The following PCCA variants were observed in gnomAD, a reference collection of about 807,000 sequenced individuals.
The protein encoded by PCCA is propionyl-CoA carboxylase subunit alpha.
Under a neutral mutation model 101.3 loss-of-function variants are expected in PCCA, and 74 were observed. The ratio of observed to expected loss-of-function variants is 0.73; its 90% CI spans 0.61 to 0.89. The LOEUF (loss-of-function observed/expected upper bound fraction) is 0.89, where lower values mean the gene tolerates loss of function less well. Ranked by LOEUF, PCCA falls within the 40% of genes least tolerant of loss-of-function variation. The pLI, the probability that PCCA is intolerant of heterozygous loss-of-function variation, is 0.00. For synonymous variants in PCCA, 294 were observed against 313.6 expected, an observed-to-expected ratio of 0.94 and a Z score of 0.66; for missense variants, 891 against 907.0, an observed-to-expected ratio of 0.98 and a Z score of 0.23.
At chr13:100,170,049 GCTT>G (rs2055481405) in intron 6 of PCCA, among the ~76,000 whole-genome samples, 2 of 152,154 alleles carry the variant, frequency 1.3e-5, no homozygotes, top group Non-Finnish European at 2.9e-5. Flanking sequence ...TTCTGGAGGT[GCTT>G]ATTAACTCTT....
intron 1 of PCCA, among the ~76,000 whole-genome samples, chr13:100,092,153 T>C (rs1393841480): frequency 6.6e-6 from 1 of 152,124 alleles, no homozygotes; most frequent in African/African-American, 2.4e-5. Context: ...TCTGACCTCT[T>C]GATCCACTGC....
chr13:100,489,436 C>T lies in PCCA; in HGVS notation c.1900-25991C>T, dbSNP rs75969481. 4.4e-3 allele frequency among the ~76,000 whole-genome samples: 668 copies of T among 152,350 alleles called. 34 individuals are homozygous for T. In the East Asian group the frequency reaches 0.099, roughly 22 times the overall value. On this transcript the variant is annotated intron_variant, in intron 21 of 23. Transcript: ENST00000376285. The stretch of plus-strand genomic sequence containing the variant: ...AAACAGGTAAGAAAAGATTGACCAT[C>T]TAGCCCATTGTAGAAGAAAGTTTGC...
chr13:100,094,631 A>G (rs2046600880), intron 1 of PCCA, among the ~76,000 whole-genome samples: 1 of 152,184 alleles, frequency 6.6e-6, no homozygotes, highest in Non-Finnish European at 1.5e-5. Context: ...CATGTTGTCC[A>G]GGCTGGAGTT....
intron 8 of PCCA, among the ~76,000 whole-genome samples, chr13:100,236,132 A>G (rs2060786592): frequency 6.6e-6 from 1 of 152,220 alleles, no homozygotes; most frequent in African/African-American, 2.4e-5. Flanking sequence ...CAAAGAAGGA[A>G]TTGTCTTAAG....
chr13:100,277,532 G>A (rs2063751846), intron 12 of PCCA, among the ~76,000 whole-genome samples: 1 of 152,046 alleles, frequency 6.6e-6, no homozygotes, highest in Non-Finnish European at 1.5e-5. Context: ...AAGCTGAGTG[G>A]CTTTAGAGGT....
At chr13:100,208,174 C>T (rs1471067724) in intron 6 of PCCA, among the ~76,000 whole-genome samples, 1 of 152,120 alleles carries the variant, frequency 6.6e-6, no homozygotes, top group African/African-American at 2.4e-5. Flanking sequence ...TATTTATCTC[C>T]TTGTATATTC....
chr13:100,310,046 A>G, intron 16 of PCCA, 138 bp downstream of exon 16: 1 of 696,078 alleles, frequency 1.4e-6, no homozygotes, highest in Non-Finnish European at 2.6e-6. Context: ...AAAAACTCAA[A>G]TCCATCAAAC....
At chr13:100,142,804 T>C (rs1252699630) in intron 4 of PCCA, among the ~76,000 whole-genome samples, 1 of 152,108 alleles carries the variant, frequency 6.6e-6, no homozygotes, top group Non-Finnish European at 1.5e-5. Context: ...CTAGATTCTA[T>C]GTGGTTGTCC....
At chr13:100,459,887 G>A (rs538737924) in intron 21 of PCCA, among the ~76,000 whole-genome samples, 13 of 152,186 alleles carry the variant, frequency 8.5e-5, no homozygotes, top group African/African-American at 1.9e-4. Context: ...CTATTCTCCC[G>A]TAGCAGAGAG....
intron 21 of PCCA, among the ~76,000 whole-genome samples, chr13:100,500,969 C>T (rs1403062943): frequency 1.3e-5 from 2 of 152,130 alleles, no homozygotes; most frequent in Admixed American, 1.3e-4. Flanking sequence ...TGGTGAAACC[C>T]CGTTTCTACT....
At chr13:100,280,339 T>A (rs1355348580) in intron 12 of PCCA, among the ~76,000 whole-genome samples, 1 of 151,168 alleles carries the variant, frequency 6.6e-6, no homozygotes, top group African/African-American at 2.4e-5. Flanking sequence ...TCCCCCAGAG[T>A]CCTGTTTCTT....
At chr13:100,375,260 A>G (rs766822111) in intron 19 of PCCA, among the ~76,000 whole-genome samples, 22 of 152,094 alleles carry the variant, frequency 1.4e-4, no homozygotes, top group Non-Finnish European at 3.2e-4. Flanking sequence ...ATTCTTTTGC[A>G]TTTGCTGAGG....
At chr13:100,184,984 T>A (rs1273783086) in intron 6 of PCCA, among the ~76,000 whole-genome samples, 1 of 152,206 alleles carries the variant, frequency 6.6e-6, no homozygotes, top group East Asian at 1.9e-4. Flanking sequence ...TTTTCAGTAG[T>A]GAAATAGGAC....
intron 6 of PCCA, among the ~76,000 whole-genome samples, chr13:100,208,249 G>A (rs952858336): frequency 6.6e-6 from 1 of 152,106 alleles, no homozygotes; most frequent in Non-Finnish European, 1.5e-5. Context: ...TCTTGGTCAT[G>A]ATGGCCAGGA....
chr13:100,162,655 T>C (rs2054604036), intron 6 of PCCA, among the ~76,000 whole-genome samples: 1 of 152,136 alleles, frequency 6.6e-6, no homozygotes, highest in African/African-American at 2.4e-5. Context: ...TGGATGCCAG[T>C]GAAGGCAAAT....
In PCCA at chr13:100,447,529, A is replaced by G. The variant is rs149622739; in HGVS notation, c.1846-1723A>G. Among the ~76,000 whole-genome samples the G allele has an allele frequency of 2.4e-4, 37 of 151,284 alleles. No homozygotes were observed. In the East Asian group the frequency reaches 6.7e-3, roughly 27 times the overall value. ...TCTACTAAAAATACAAAAATTAGGC[A>G]GATGTGGTGGCAGGTGCCTGTAATC... On this transcript the variant is annotated intron_variant, in intron 20 of 23. Transcript: ENST00000376285.
intron 4 of PCCA, among the ~76,000 whole-genome samples, chr13:100,119,273 T>G (rs2049129866): frequency 6.6e-6 from 1 of 152,336 alleles, no homozygotes; most frequent in Non-Finnish European, 1.5e-5. Flanking sequence ...ATTTCAAGTT[T>G]GTGGGTGTTT....
chr13:100,212,759 C>G (rs968684201), intron 7 of PCCA, among the ~76,000 whole-genome samples: 2 of 152,006 alleles, frequency 1.3e-5, no homozygotes, highest in African/African-American at 4.8e-5. Flanking sequence ...TAAAAATGTA[C>G]AATAAATTAT....
At chr13:100,306,999 G>A (rs772390699) in intron 14 of PCCA, among the ~76,000 whole-genome samples, 193 bp from the exon 15 acceptor site, 3 of 152,018 alleles carry the variant, frequency 2.0e-5, no homozygotes, top group Non-Finnish European at 4.4e-5. Context: ...TCATTCAGTG[G>A]CAGAACAAAA....
Sources: gnomAD v4.1 joint callset for allele counts (sites outside exome capture counted in the v4.1 genomes callset) on GRCh38, gnomAD v4.1.1 for gene constraint, MANE v1.5 for transcripts, NCBI Gene and HGNC (gene_info 2026-07-23, HGNC 2026-07-21) for gene names.